GMDS: variants seen among roughly 807,000 people sequenced by gnomAD.
GMDS encodes the protein GDP-mannose 4,6-dehydratase, also known as GDP-mannose 4,6 dehydratase.
A neutral mutation model predicts 49.9 loss-of-function variants in GMDS; 20 were observed. The observed-to-expected ratio is 0.40, with a 90% CI of 0.28 to 0.58. GMDS has a LOEUF of 0.58. Among genes scored for constraint, GMDS ranks in the 20% least tolerant of loss-of-function variants. The pLI is 0.42. For missense variants in GMDS, 362 were observed against 481.4 expected (o/e 0.75, Z 2.32); for synonymous variants, 177 against 178.6 (o/e 0.99, Z 0.07).
intron 4 of GMDS, among the ~76,000 whole-genome samples, chr6:2,021,743 T>C (rs1031617793): frequency 2.6e-5 from 4 of 152,036 alleles, no homozygotes; most frequent in Non-Finnish European, 5.9e-5. Context: ...CACCCAACTG[T>C]GGAAATGACT....
At chr6:1,786,531 CCA>C (rs1192606703) in intron 7 of GMDS, among the ~76,000 whole-genome samples, 1 of 152,200 alleles carries the variant, frequency 6.6e-6, no homozygotes, top group Non-Finnish European at 1.5e-5. Flanking sequence ...CAGGCTGGGG[CCA>C]CACACTGGGG....
intron 1 of GMDS, among the ~76,000 whole-genome samples, chr6:2,201,115 GAAGA>G (rs961912795): frequency 7.0e-6 from 1 of 143,608 alleles, no homozygotes; most frequent in Non-Finnish European, 1.5e-5. Flanking sequence ...GGTGAAAGAT[GAAGA>G]GAGAGCACCA....
At chr6:1,677,919 C>T (rs1436655593) in intron 9 of GMDS, among the ~76,000 whole-genome samples, 1 of 152,032 alleles carries the variant, frequency 6.6e-6, no homozygotes, top group East Asian at 1.9e-4. Flanking sequence ...ACGTTGTACA[C>T]ATGCACCCTA....
chr6:1,853,702 A>G (rs1757816417), intron 7 of GMDS, among the ~76,000 whole-genome samples: 1 of 152,112 alleles, frequency 6.6e-6, no homozygotes, highest in Non-Finnish European at 1.5e-5. Flanking sequence ...TCCAACAGAA[A>G]AGTGATTAGC....
chr6:1,885,685 C>T (rs180749281), intron 7 of GMDS, among the ~76,000 whole-genome samples: 305 of 152,332 alleles, frequency 2.0e-3, no homozygotes, highest in Non-Finnish European at 3.4e-3. Context: ...CCGCTTCCCA[C>T]GTTTAAGTGT....
At chr6:2,093,756 T>A (rs1773446391) in intron 4 of GMDS, among the ~76,000 whole-genome samples, 1 of 151,296 alleles carries the variant, frequency 6.6e-6, no homozygotes, top group Non-Finnish European at 1.5e-5. Context: ...AAATATCTGA[T>A]AACAGACTAG....
intron 9 of GMDS, among the ~76,000 whole-genome samples, chr6:1,723,875 A>G (rs529678640): frequency 2.0e-5 from 3 of 152,290 alleles, no homozygotes; most frequent in Admixed American, 6.5e-5. Flanking sequence ...CAGGACTCAT[A>G]CCAAATGGCT....
chr6:2,000,069 C>G (rs1332285401), intron 4 of GMDS, among the ~76,000 whole-genome samples: 1 of 75,960 alleles, frequency 1.3e-5, no homozygotes, highest in African/African-American at 5.0e-5. Flanking sequence ...GAGTCTCATT[C>G]TGTCGCCCAG....
chr6:1,814,960 T>C (rs1012126221), intron 7 of GMDS, among the ~76,000 whole-genome samples: 2 of 152,178 alleles, frequency 1.3e-5, no homozygotes, highest in East Asian at 1.9e-4. Flanking sequence ...AAATCAAATA[T>C]GGAAAACAAA....
chr6:2,211,881 G>A (rs1177006767), intron 1 of GMDS, among the ~76,000 whole-genome samples: 1 of 152,120 alleles, frequency 6.6e-6, no homozygotes, highest in African/African-American at 2.4e-5. Flanking sequence ...AGGTACTCTT[G>A]TAAGACATTA....
At chr6:2,028,723 T>C (rs543927415) in intron 4 of GMDS, among the ~76,000 whole-genome samples, 1 of 152,346 alleles carries the variant, frequency 6.6e-6, no homozygotes, top group South Asian at 2.1e-4. Flanking sequence ...CAGAATGCTT[T>C]AACTTTCATG....
In GMDS at chr6:1,731,734, A is replaced by T. The variant is rs548450757; in HGVS notation, c.891-5222T>A. Reference sequence around the variant, plus strand: ...ACCAAACCAAGTAGTCTTGAATAAGATGTCAGGAAATAGGGGCTCAGTGCA... The same window carrying T: ...ACCAAACCAAGTAGTCTTGAATAAGTTGTCAGGAAATAGGGGCTCAGTGCA... On this transcript the variant is annotated intron_variant, in intron 8 of 10. Coordinates refer to ENST00000380815, the MANE Select transcript of GMDS (RefSeq NM_001500.4). 3.3e-5 allele frequency among the ~76,000 whole-genome samples: 5 copies of T among 152,328 alleles called. No homozygotes were observed. In the East Asian group the frequency reaches 7.7e-4, roughly 23 times the overall value.
intron 7 of GMDS, among the ~76,000 whole-genome samples, chr6:1,902,552 A>G (rs1030703045): frequency 3.9e-5 from 6 of 152,226 alleles, no homozygotes; most frequent in African/African-American, 1.4e-4. Context: ...TCTGGAAAAT[A>G]GGTGAAATTC....
At chr6:1,678,977 A>C (rs1365319026) in intron 9 of GMDS, among the ~76,000 whole-genome samples, 1 of 152,242 alleles carries the variant, frequency 6.6e-6, no homozygotes, top group Admixed American at 6.5e-5. Flanking sequence ...ACAGCAAAGC[A>C]AACTGACTAA....
chr6:1,743,002 T>C (rs544452083), intron 7 of GMDS, among the ~76,000 whole-genome samples: 98 of 152,344 alleles, frequency 6.4e-4, no homozygotes, highest in Non-Finnish European at 1.3e-3. Flanking sequence ...CTTCATATCA[T>C]AGATAGTAGT....
chr6:1,958,565 G>A (rs1187077264), intron 6 of GMDS, among the ~76,000 whole-genome samples: 2 of 152,100 alleles, frequency 1.3e-5, no homozygotes, highest in Non-Finnish European at 2.9e-5. Flanking sequence ...TGACAGGCTA[G>A]GTTCTTATGC....
intron 7 of GMDS, among the ~76,000 whole-genome samples, chr6:1,769,751 G>A (rs1768504739): frequency 6.6e-6 from 1 of 151,754 alleles, no homozygotes; most frequent in African/African-American, 2.4e-5. Flanking sequence ...CACCCAGGCT[G>A]GAGTGCAGTG....
intron 1 of GMDS, among the ~76,000 whole-genome samples, chr6:2,148,765 C>T (rs1341826206): frequency 6.6e-6 from 1 of 152,204 alleles, no homozygotes; most frequent in Non-Finnish European, 1.5e-5. Flanking sequence ...ATTATTACAT[C>T]CTGTGTATTA....
chr6:2,197,838 A>G (rs1375277718), intron 1 of GMDS, among the ~76,000 whole-genome samples: 1 of 152,200 alleles, frequency 6.6e-6, no homozygotes, highest in Non-Finnish European at 1.5e-5. Flanking sequence ...CTCACAGAGG[A>G]GCCCATTCTG....
Sources: gnomAD v4.1 joint callset for allele counts (sites outside exome capture counted in the v4.1 genomes callset) on GRCh38, gnomAD v4.1.1 for gene constraint, MANE v1.5 for transcripts, NCBI Gene and HGNC (gene_info 2026-07-23, HGNC 2026-07-21) for gene names.